The following ADGRL2 variants were observed in gnomAD, a reference collection of about 807,000 sequenced individuals.
The protein encoded by ADGRL2 is adhesion G protein-coupled receptor L2, also known as calcium-independent alpha-latrotoxin receptor 2.
A neutral mutation model predicts 157.4 loss-of-function variants in ADGRL2; 44 were observed. The ratio of observed to expected loss-of-function variants is 0.28; its 90% CI spans 0.22 to 0.36. The LOEUF is 0.36. ADGRL2 is among the 10% of genes least tolerant of loss of function. The pLI is 1.00. For missense variants in ADGRL2, 1,510 were observed against 1,768.9 expected, an observed-to-expected ratio of 0.85 and a Z score of 2.63; for synonymous variants, 585 against 624.7, an observed-to-expected ratio of 0.94 and a Z score of 0.95.
At chr1:81,505,976 C>G (rs539760377) in intron 2 of ADGRL2, 9 of 208,260 alleles carry the variant, frequency 4.3e-5, no homozygotes, top group Middle Eastern at 2.2e-3. Context: ...CAGATCCTTT[C>G]CCTCTACCTG....
intron 3 of ADGRL2, among the ~76,000 whole-genome samples, chr1:81,667,404 C>T (rs987478392): frequency 1.3e-5 from 2 of 152,086 alleles, no homozygotes; most frequent in African/African-American, 2.4e-5. Context: ...TAATTATGTT[C>T]GTGAATATAT....
chr1:81,324,650 GA>G (rs1660766700), intron 1 of ADGRL2, among the ~76,000 whole-genome samples: 1 of 151,898 alleles, frequency 6.6e-6, no homozygotes, highest in Non-Finnish European at 1.5e-5. Context: ...GATTGGAAAA[GA>G]AAGTAATATG....
At chr1:81,597,421 G>C (rs1180377738) in intron 3 of ADGRL2, among the ~76,000 whole-genome samples, 2 of 152,110 alleles carry the variant, frequency 1.3e-5, no homozygotes, top group African/African-American at 4.8e-5. Context: ...TATTTTACAT[G>C]TTTGAATTAA....
intron 1 of ADGRL2, among the ~76,000 whole-genome samples, chr1:81,331,644 G>C (rs932576275): frequency 6.6e-6 from 1 of 152,132 alleles, no homozygotes; most frequent in Non-Finnish European, 1.5e-5. Flanking sequence ...AATGTGCATT[G>C]CCTTTAAGGA....
At chr1:81,705,649 G>A (rs1171257086) in intron 1 of ADGRL2, among the ~76,000 whole-genome samples, 1 of 151,998 alleles carries the variant, frequency 6.6e-6, no homozygotes, top group Non-Finnish European at 1.5e-5. Context: ...GGGCGCAGTG[G>A]CTCACACCTA....
At chr1:81,949,874 T>C (rs1273880409) in intron 6 of ADGRL2, among the ~76,000 whole-genome samples, 1 of 152,196 alleles carries the variant, frequency 6.6e-6, no homozygotes, top group Non-Finnish European at 1.5e-5. Context: ...TGTTAAACAG[T>C]ATGTGATGAA....
chr1:81,687,041 TTATGGCCTATCA>T (rs1384764207), intron 3 of ADGRL2, among the ~76,000 whole-genome samples: 2 of 152,198 alleles, frequency 1.3e-5, no homozygotes, highest in African/African-American at 4.8e-5. Context: ...GAGGCTCATT[TTATGGCCTATCA>T]TATGGTCTAT....
intron 1 of ADGRL2, among the ~76,000 whole-genome samples, chr1:81,369,776 A>G (rs12562270): frequency 0.51 from 77,374 of 152,148 alleles, 21,740 homozygotes; most frequent in East Asian, 0.72. Flanking sequence ...GCATCATTGA[A>G]TTTGAGCATT....
At chr1:81,343,573 T>C (rs958094931) in intron 1 of ADGRL2, among the ~76,000 whole-genome samples, 8 of 152,128 alleles carry the variant, frequency 5.3e-5, no homozygotes, top group African/African-American at 1.9e-4. Flanking sequence ...TTATTTCTGA[T>C]AGTGGGGTAG....
chr1:81,463,208 G>T (rs1471702962), intron 2 of ADGRL2, among the ~76,000 whole-genome samples: 1 of 151,704 alleles, frequency 6.6e-6, no homozygotes, highest in Non-Finnish European at 1.5e-5. Context: ...AAATGTGTAT[G>T]TAGCAGGGGA....
chr1:81,571,021 T>TA (rs1203717499), intron 2 of ADGRL2, among the ~76,000 whole-genome samples: 3 of 151,952 alleles, frequency 2.0e-5, no homozygotes, highest in Non-Finnish European at 4.4e-5. Flanking sequence ...AAACTTTATT[T>TA]AAAAAAATAT....
At chr1:81,807,523 C>G (rs1026146632) in intron 1 of ADGRL2, among the ~76,000 whole-genome samples, 2 of 151,824 alleles carry the variant, frequency 1.3e-5, no homozygotes, top group African/African-American at 4.8e-5. Flanking sequence ...AAAGATTGGC[C>G]AGGTAGTGAT....
chr1:81,638,961 C>A (rs921850106), intron 3 of ADGRL2, among the ~76,000 whole-genome samples: 1 of 152,122 alleles, frequency 6.6e-6, no homozygotes, highest in African/African-American at 2.4e-5. Flanking sequence ...CCGTGATCAC[C>A]CACTGCGCTT....
Position 81,943,881 on chromosome 1 carries a change from C to G in ADGRL2, c.1210+112C>G. On this transcript the variant is annotated intron_variant, in intron 6 of 23. Transcript: ENST00000686636. This position sits in a 1 kb window ranked among gnomAD's most constrained non-coding sequence, Gnocchi z 5.6. ...TCTTCCCCTTTTCATAGTTAAAGGACAAAGGACAATGTTGTGGTACATTTT... is the reference window on the plus strand; with the variant it reads ...TCTTCCCCTTTTCATAGTTAAAGGAGAAAGGACAATGTTGTGGTACATTTT... 1.3e-6 allele frequency: 1 copy of G among 774,010 alleles called. No homozygotes were observed. Among genetic ancestry groups the G allele is most frequent in the Non-Finnish European group, 2.1e-6 (1 of 482,040 alleles). 47.9% of individuals were successfully genotyped at this position (774,010 alleles called of 1,614,324 possible).
In ADGRL2 at chr1:81,810,685, A is replaced by AT. The variant is rs887917827; in HGVS notation, c.-101+9626dup. 4.8e-4 allele frequency among the ~76,000 whole-genome samples: 72 copies of AT among 150,914 alleles called. No homozygotes were observed. The East Asian group carries it at 7.8e-3, about 16-fold the overall frequency. ...TGTATTTTTGTCCTAGTAATTGTACATTTTTTTTTAGTTTGATGAAGGCTT... is the reference window on the plus strand; with the variant it reads ...TGTATTTTTGTCCTAGTAATTGTACATTTTTTTTTTAGTTTGATGAAGGCTT... On this transcript the variant is annotated intron_variant, in intron 1 of 23. Coordinates refer to ENST00000686636, the MANE Select transcript of ADGRL2 (RefSeq NM_001366006.2).
upstream of ADGRL2, among the ~76,000 whole-genome samples, chr1:81,798,172 G>A (rs1409024100): frequency 6.6e-6 from 1 of 151,980 alleles, no homozygotes; most frequent in Non-Finnish European, 1.5e-5. Context: ...CATAACACCT[G>A]TATTGTTATA....
chr1:81,680,713 T>G (rs72716696), intron 3 of ADGRL2, among the ~76,000 whole-genome samples: 2,678 of 151,972 alleles, frequency 0.018, 32 homozygotes, highest in South Asian at 0.053. Context: ...AGAAAAAAAA[T>G]TTTTTTTAAA....
chr1:81,975,351 C>T (rs566211105), intron 17 of ADGRL2, among the ~76,000 whole-genome samples: 1 of 152,118 alleles, frequency 6.6e-6, no homozygotes, highest in Admixed American at 6.6e-5. Context: ...TGCAGCCTTT[C>T]AACCTATGCC....
chr1:81,618,447 A>T (rs1381774585), intron 3 of ADGRL2, among the ~76,000 whole-genome samples: 2 of 152,214 alleles, frequency 1.3e-5, no homozygotes, highest in East Asian at 1.9e-4. Flanking sequence ...CATTCTGAGA[A>T]TCCTTCCCCA....
Sources: gnomAD v4.1 joint callset for allele counts (sites outside exome capture counted in the v4.1 genomes callset) on GRCh38, gnomAD v4.1.1 for gene constraint, Gnocchi (gnomAD v3.1) non-coding constraint, MANE v1.5 for transcripts, NCBI Gene and HGNC (gene_info 2026-07-23, HGNC 2026-07-21) for gene names.